TCERG1L: variants seen among roughly 807,000 people sequenced by gnomAD.
TCERG1L encodes the protein transcription elongation regulator 1-like protein.
TCERG1L carries 37 observed loss-of-function variants against 56.3 expected under a neutral mutation model. The ratio of observed to expected loss-of-function variants is 0.66; its 90% CI spans 0.51 to 0.87. TCERG1L has a LOEUF of 0.87. Among genes scored for constraint, TCERG1L ranks in the 40% least tolerant of loss-of-function variants. The pLI, the probability that TCERG1L is intolerant of heterozygous loss-of-function variation, is 0.00. For missense variants in TCERG1L, 799 were observed against 774.2 expected, an observed-to-expected ratio of 1.03 and a Z score of -0.38; for synonymous variants, 324 against 326.3, an observed-to-expected ratio of 0.99 and a Z score of 0.08.
At chr10:131,151,396 G>A (rs1040330580) in intron 6 of TCERG1L, among the ~76,000 whole-genome samples, 1 of 136,092 alleles carries the variant, frequency 7.3e-6, no homozygotes, top group Admixed American at 7.2e-5. Context: ...GAGGCTATAG[G>A]CCCCATGCAA....
At chr10:131,181,424 T>G (rs559873151) in intron 4 of TCERG1L, among the ~76,000 whole-genome samples, 10 of 152,262 alleles carry the variant, frequency 6.6e-5, no homozygotes, top group Admixed American at 5.2e-4. Flanking sequence ...AGCCACAAAG[T>G]TGGGGGAGCA....
At chr10:131,108,810 C>G (rs118112198) in intron 9 of TCERG1L, among the ~76,000 whole-genome samples, 4 of 152,116 alleles carry the variant, frequency 2.6e-5, no homozygotes, top group African/African-American at 9.7e-5. Flanking sequence ...CTGGATGTTG[C>G]GAGAATTCAG....
At chr10:131,176,685 A>C (rs368708746) in intron 4 of TCERG1L, among the ~76,000 whole-genome samples, 52 of 5,742 alleles carry the variant, frequency 9.1e-3, no homozygotes, top group Admixed American at 0.016. Context: ...CACACCAAGA[A>C]ACATGCACAC....
At chr10:131,235,949 A>G (rs1845907936) in intron 4 of TCERG1L, among the ~76,000 whole-genome samples, 1 of 152,240 alleles carries the variant, frequency 6.6e-6, no homozygotes, top group Non-Finnish European at 1.5e-5. Context: ...TCCTTACAAA[A>G]TTAAAGAAAT....
intron 8 of TCERG1L, among the ~76,000 whole-genome samples, chr10:131,117,565 G>A (rs1845472041): frequency 1.3e-5 from 2 of 152,192 alleles, no homozygotes; most frequent in African/African-American, 2.4e-5. Context: ...GCAGAGGGGC[G>A]GCCCCTGCCA....
At chr10:131,230,552 G>A (rs77516720) in intron 4 of TCERG1L, among the ~76,000 whole-genome samples, 23,043 of 152,262 alleles carry the variant, frequency 0.15, 2,163 homozygotes, top group Non-Finnish European at 0.19. Flanking sequence ...CCACTGACGA[G>A]CCTGGCGGGC....
At chr10:131,161,851 T>C (rs1589732684) in intron 6 of TCERG1L, 1 of 152,238 alleles carries the variant, frequency 6.6e-6, no homozygotes, top group Admixed American at 6.5e-5. Context: ...ACTGGGAGGG[T>C]GGCGCCGGCG....
At chr10:131,289,475 G>A (rs1001094421) in intron 3 of TCERG1L, among the ~76,000 whole-genome samples, 21 of 148,338 alleles carry the variant, frequency 1.4e-4, no homozygotes, top group Non-Finnish European at 2.5e-4. Context: ...CGGTGTGTGT[G>A]TGAGTGTATG....
chr10:131,269,577 C>T (rs1478855030), intron 3 of TCERG1L, among the ~76,000 whole-genome samples: 1 of 152,208 alleles, frequency 6.6e-6, no homozygotes, highest in African/African-American at 2.4e-5. Context: ...GTTGGTGGAG[C>T]AGTTAGAACA....
Position 131,101,047 on chromosome 10 carries a change from G to A in TCERG1L, c.1486-2623C>T, listed in dbSNP as rs1801179329. 4.6e-5 allele frequency among the ~76,000 whole-genome samples: 7 copies of A among 152,346 alleles called. No homozygotes were observed. The South Asian group carries it at 1.2e-3, about 27-fold the overall frequency. ...AGTTTCCTCTGGGTGATGTCACAGG[G>A]ACGTTTAAAGGTTTTCCCCAGGCAA... On this transcript the variant is annotated intron_variant, in intron 10 of 11. Transcript: ENST00000368642.
At chr10:131,112,387 C>T (rs1454784587) in intron 9 of TCERG1L, among the ~76,000 whole-genome samples, 1 of 142,550 alleles carries the variant, frequency 7.0e-6, no homozygotes, top group Non-Finnish European at 1.6e-5. Flanking sequence ...CCAGGACTTT[C>T]TCCCCCTGTC....
At position 131,138,141 on chromosome 10, in the gene TCERG1L, T is replaced by C. The variant is rs61283203; in HGVS notation, c.1190-3693A>G. On this transcript the variant is annotated intron_variant, in intron 7 of 11. Coordinates refer to ENST00000368642, the MANE Select transcript of TCERG1L (RefSeq NM_174937.4). The stretch of plus-strand genomic sequence containing the variant: ...AAAATTAGCCGGGTGTGGTGGCACA[T>C]GTCTGTAATCTCAGCTACTCAGGAG... Among the ~76,000 whole-genome samples the C allele has an allele frequency of 8.0e-3, 1,224 of 152,272 alleles. 22 individuals are homozygous for C. Among genetic ancestry groups the C allele is most frequent in the African/African-American group, 0.028 (1,166 of 41,558 alleles).
chr10:131,175,031 G>T lies in TCERG1L; in HGVS notation c.857-8146C>A, dbSNP rs113219271. On this transcript the variant is annotated intron_variant, in intron 4 of 11. Transcript: ENST00000368642. The stretch of plus-strand genomic sequence containing the variant: ...AGCCAGAGTCCAGATTTTCTCTGTG[G>T]GTCTGTCTGACCAGCAGATCTGTTT... Among the ~76,000 whole-genome samples the T allele has an allele frequency of 1.7e-3, 260 of 152,128 alleles. 1 individual carries two copies. Among genetic ancestry groups the T allele is most frequent in the African/African-American group, 6.0e-3 (249 of 41,506 alleles).
In TCERG1L at chr10:131,209,732, T is replaced by A. The variant is rs1415941784; in HGVS notation, c.857-42847A>T. On this transcript the variant is annotated intron_variant, in intron 4 of 11. Coordinates refer to ENST00000368642, the MANE Select transcript of TCERG1L (RefSeq NM_174937.4). ...CATAGTAGGGCAATAATTATTATAT[T>A]TTATAGTTAAGTAGTTTTTAAAATA... Among the ~76,000 whole-genome samples, 8 of 152,274 alleles carry A rather than the reference T, an allele frequency of 5.3e-5. No individual in the cohort carries two copies. In the South Asian group the frequency reaches 1.7e-3, roughly 32 times the overall value.
intron 3 of TCERG1L, among the ~76,000 whole-genome samples, chr10:131,275,947 C>G (rs887498372): frequency 6.6e-6 from 1 of 152,096 alleles, no homozygotes; most frequent in Non-Finnish European, 1.5e-5. Flanking sequence ...CCTTTGCCTC[C>G]CCCAGACTCA....
chr10:131,181,280 G>A (rs1433023940), intron 4 of TCERG1L, among the ~76,000 whole-genome samples: 3 of 152,210 alleles, frequency 2.0e-5, no homozygotes, highest in African/African-American at 7.2e-5. Flanking sequence ...CCTGGCCTGG[G>A]AGGATGGAAA....
intron 4 of TCERG1L, among the ~76,000 whole-genome samples, chr10:131,233,487 C>T (rs181948403): frequency 3.5e-4 from 53 of 151,064 alleles, no homozygotes; most frequent in Non-Finnish European, 5.2e-4. Flanking sequence ...CACGCACACA[C>T]GCTCACACAC....
At position 131,109,526 on chromosome 10, in the gene TCERG1L, T is replaced by C. The variant is rs117051569; in HGVS notation, c.1396-5172A>G. ...TCTGTGAACGCTGGAGCCGCCTCAG[T>C]GGGAGAACAACAGGGTCTTGTTCTG... is the stretch of plus-strand genomic sequence containing the variant. On this transcript the variant is annotated intron_variant, in intron 9 of 11. Transcript: ENST00000368642. Among the ~76,000 whole-genome samples, 979 of 152,328 alleles carry C rather than the reference T, an allele frequency of 6.4e-3. 3 individuals carry two copies. The highest frequency in any genetic ancestry group is 9.5e-3 in the Non-Finnish European group (647 of 68,030).
chr10:131,150,198 T>C (rs562285031), intron 6 of TCERG1L, among the ~76,000 whole-genome samples: 1 of 152,408 alleles, frequency 6.6e-6, no homozygotes, highest in South Asian at 2.1e-4. Flanking sequence ...GTACAGCAGA[T>C]GGACCTGTTG....
Sources: allele counts gnomAD v4.1 joint callset (sites outside exome capture counted in the v4.1 genomes callset), GRCh38; gene constraint gnomAD v4.1.1; transcripts MANE v1.5; gene names NCBI Gene and HGNC (gene_info 2026-07-23, HGNC 2026-07-21).